EXT2: variants seen among roughly 807,000 people sequenced by gnomAD.
EXT2 encodes the protein exostosin glycosyltransferase 2, also known as exostosin-2.
In EXT2, 53 loss-of-function variants were observed where a neutral mutation model predicts 81.6. That is an observed-to-expected ratio of 0.65 (90% confidence interval 0.52 to 0.82). EXT2 has a LOEUF of 0.82. Among genes scored for constraint, EXT2 ranks in the 40% least tolerant of loss-of-function variants. The pLI is 0.00. For synonymous variants in EXT2, 320 were observed against 340.0 expected (o/e 0.94, Z 0.65); for missense variants, 774 against 910.2 (o/e 0.85, Z 1.93).
intron 12 of EXT2, among the ~76,000 whole-genome samples, chr11:44,235,297 CAG>C (rs1429790999): frequency 7.6e-6 from 1 of 130,912 alleles, no homozygotes; most frequent in Non-Finnish European, 1.5e-5. Flanking sequence ...TGCAGTGGCA[CAG>C]TCTCGGCTCA....
intron 10 of EXT2, among the ~76,000 whole-genome samples, chr11:44,219,940 AC>A (rs1955764623): frequency 6.6e-6 from 1 of 152,174 alleles, no homozygotes; most frequent in African/African-American, 2.4e-5. Context: ...TCATTCCTTG[AC>A]CTCTTGTGTG....
Position 44,210,880 on chromosome 11 carries a change from AT to A in EXT2, c.1662+3923del, listed in dbSNP as rs536248930. Among the ~76,000 whole-genome samples, 257 of 152,328 alleles carry A rather than the reference AT, an allele frequency of 1.7e-3. 3 individuals carry two copies. The highest frequency in any genetic ancestry group is 5.9e-3 in the African/African-American group (247 of 41,572). On this transcript the variant is annotated intron_variant, in intron 10 of 13. Coordinates refer to ENST00000533608, the MANE Select transcript of EXT2 (RefSeq NM_207122.2). The stretch of plus-strand genomic sequence containing the variant: ...AAGACTCAGTATTGTTACCATGTAA[AT>A]TCTTCCCAAATTGTATAGATTCAAA...
intron 8 of EXT2, among the ~76,000 whole-genome samples, chr11:44,179,115 G>A (rs1955199224): frequency 6.6e-6 from 1 of 151,954 alleles, no homozygotes. Flanking sequence ...CAATTCTGAT[G>A]GTCAGATAGA....
chr11:44,096,229 A>T lies in EXT2; in HGVS notation c.-31+377A>T, dbSNP rs927800406. The T allele has an allele frequency of 1.1e-5, 17 of 1,534,996 alleles. No homozygotes were observed. The African/African-American group carries it at 2.1e-4, about 19-fold the overall frequency. ...CTGCTGCCACCTTCCCGCCAGCCAC[A>T]GGGATCTGATTCCTCCCAGGGGGAT... On this transcript the variant is annotated intron_variant, in intron 1 of 13. Coordinates refer to ENST00000533608, the MANE Select transcript of EXT2 (RefSeq NM_207122.2).
intron 8 of EXT2, among the ~76,000 whole-genome samples, chr11:44,175,059 T>G (rs1955139301): frequency 6.6e-6 from 1 of 152,186 alleles, no homozygotes; most frequent in Admixed American, 6.5e-5. Context: ...AAGGGAGTAA[T>G]GTGATAAGAT....
intron 9 of EXT2, among the ~76,000 whole-genome samples, chr11:44,202,762 A>G (rs936792878): frequency 3.9e-5 from 6 of 152,238 alleles, no homozygotes; most frequent in African/African-American, 7.2e-5. Flanking sequence ...AATCATGTCA[A>G]GATGGTGTCA....
rs869304268 is a variant in EXT2 at position 44,235,250 on chromosome 11, T to TTGG, written c.1935+1007_1935+1008insTGG. On this transcript the variant is annotated intron_variant, in intron 12 of 13. Coordinates refer to ENST00000533608, the MANE Select transcript of EXT2 (RefSeq NM_207122.2). ...CTTTTTTTTTTTTTTTTTTTTTTTT[T>TTGG]GGTGAGACTGAGTCTTGCTCTGTCA... Among the ~76,000 whole-genome samples the TTGG allele has an allele frequency of 9.8e-5, 12 of 121,984 alleles. No individual in the cohort carries two copies. In the East Asian group the frequency reaches 2.7e-3, roughly 27 times the overall value. The allele number at this position is 121,984 out of a possible 152,430, so 80.0% of individuals were successfully genotyped here. A position where few individuals can be genotyped will look rare whatever the true frequency, so the allele number is the denominator to read the frequency against.
intron 8 of EXT2, among the ~76,000 whole-genome samples, chr11:44,180,414 A>G (rs1955219349): frequency 1.3e-5 from 2 of 152,184 alleles, no homozygotes; most frequent in African/African-American, 4.8e-5. Context: ...TCTTTCTTGT[A>G]CAGCTTTCTA....
chr11:44,142,574 A>G (rs926375980), intron 7 of EXT2, among the ~76,000 whole-genome samples: 1 of 152,226 alleles, frequency 6.6e-6, no homozygotes, highest in Non-Finnish European at 1.5e-5. Flanking sequence ...TTTGAAGTCT[A>G]TCTATACTGA....
At position 44,126,814 on chromosome 11, in the gene EXT2, AG is replaced by A; in HGVS notation, c.940del. On this transcript the variant is annotated splice_acceptor_variant, in intron 5 of 13. Coordinates refer to ENST00000533608, the MANE Select transcript of EXT2 (RefSeq NM_207122.2). LOFTEE classifies it high-confidence loss of function. ...ATCTCTTGCCTCTTTGTGTTCCTGC[AG>A]GAGGCTACTTTCTGTGTGGTTCTTC... 1 of 1,614,202 alleles carries A rather than the reference AG, an allele frequency of 6.2e-7. No homozygotes were observed. The highest frequency in any genetic ancestry group is 8.5e-7 in the Non-Finnish European group (1 of 1,180,032).
chr11:44,226,548 G>A (rs970552795), intron 10 of EXT2, among the ~76,000 whole-genome samples: 4 of 152,102 alleles, frequency 2.6e-5, no homozygotes, highest in Non-Finnish European at 4.4e-5. Flanking sequence ...TGAAAATGAA[G>A]GCAGTCAGTC....
chr11:44,173,864 G>A (rs1955115486), intron 8 of EXT2, among the ~76,000 whole-genome samples: 1 of 151,952 alleles, frequency 6.6e-6, no homozygotes, highest in Non-Finnish European at 1.5e-5. Context: ...ACCGCGCCCG[G>A]CCTTTTTTTC....
Position 44,114,192 on chromosome 11 carries a change from T to C in EXT2, c.634T>C (p.Leu212=), listed in dbSNP as rs2134984184. ...AAAATACTTTGCTTTCAGGGCCCTG[T>C]TGGCTGGTGGCGGCTTTTCTACGTG... ...ALDVPRDRAL[L]AGGGFSTWTY... Residue 212 remains leucine, a synonymous_variant, in exon 4 of 14, where the codon TTG becomes CTG. Transcript: ENST00000533608. 1 of 1,614,038 alleles carries C rather than the reference T, an allele frequency of 6.2e-7. No homozygotes were observed. Among genetic ancestry groups the C allele is most frequent in the Non-Finnish European group, 8.5e-7 (1 of 1,179,934 alleles).
intron 10 of EXT2, among the ~76,000 whole-genome samples, chr11:44,211,055 G>T (rs927679352): frequency 3.7e-4 from 56 of 152,288 alleles, no homozygotes; most frequent in African/African-American, 1.3e-3. Flanking sequence ...TTTCAAACTT[G>T]CTATAAAGCT....
chr11:44,191,793 A>C (rs760055908), intron 8 of EXT2, among the ~76,000 whole-genome samples: 26 of 152,140 alleles, frequency 1.7e-4, no homozygotes, highest in Non-Finnish European at 3.4e-4. Context: ...GTCTGTGTGA[A>C]GGTAACACCC....
At chr11:44,156,785 T>C (rs1954861477) in intron 7 of EXT2, among the ~76,000 whole-genome samples, 2 of 152,238 alleles carry the variant, frequency 1.3e-5, no homozygotes, top group Non-Finnish European at 2.9e-5. Context: ...TTGTGGATGT[T>C]TGTCAATGTC....
chr11:44,230,810 G>A (rs1194060008), intron 10 of EXT2, among the ~76,000 whole-genome samples: 1 of 152,098 alleles, frequency 6.6e-6, no homozygotes, highest in Non-Finnish European at 1.5e-5. Context: ...CCAATTTGTG[G>A]TTCTTTGTTA....
At chr11:44,163,793 T>G (rs1954957690) in intron 7 of EXT2, among the ~76,000 whole-genome samples, 1 of 152,248 alleles carries the variant, frequency 6.6e-6, no homozygotes, top group Non-Finnish European at 1.5e-5. Flanking sequence ...CAGCTGTTTC[T>G]TAAACTTCTT....
intron 7 of EXT2, among the ~76,000 whole-genome samples, chr11:44,171,255 T>C (rs1955068600): frequency 6.6e-6 from 1 of 152,248 alleles, no homozygotes; most frequent in African/African-American, 2.4e-5. Context: ...TATGTACATA[T>C]GTATAAATTC....
Sources: gnomAD v4.1 joint callset for allele counts (sites outside exome capture counted in the v4.1 genomes callset) on GRCh38, gnomAD v4.1.1 for gene constraint, MANE v1.5 for transcripts, NCBI Gene and HGNC (gene_info 2026-07-23, HGNC 2026-07-21) for gene names.